Variants in RANBP9 observed in about 807,000 individuals in gnomAD.
The protein encoded by RANBP9 is RAN binding protein 9, also known as ran-binding protein 9.
Under a neutral mutation model 84.3 loss-of-function variants are expected in RANBP9, and 15 were observed. That is an observed-to-expected ratio of 0.18 (90% CI 0.12 to 0.27). RANBP9 has a LOEUF of 0.27. Ranked by LOEUF, RANBP9 falls within the 10% of genes least tolerant of loss-of-function variation. The pLI is 1.00. For synonymous variants in RANBP9, 392 were observed against 349.6 expected, an observed-to-expected ratio of 1.12 and a Z score of -1.35; for missense variants, 809 against 912.8, an observed-to-expected ratio of 0.89 and a Z score of 1.46.
chr6:13,677,851 C>T (rs923621315), intron 2 of RANBP9, among the ~76,000 whole-genome samples: 2 of 152,158 alleles, frequency 1.3e-5, no homozygotes, highest in African/African-American at 4.8e-5. Flanking sequence ...GGTGTGGTGG[C>T]TCAAGCCTAT....
chr6:13,623,612 T>A (rs190433709), intron 13 of RANBP9, among the ~76,000 whole-genome samples: 71 of 152,342 alleles, frequency 4.7e-4, no homozygotes, highest in African/African-American at 1.5e-3. Context: ...AATATTTTTT[T>A]AATTTTATTT....
intron 2 of RANBP9, among the ~76,000 whole-genome samples, chr6:13,671,645 G>A (rs1765780915): frequency 6.6e-6 from 1 of 152,100 alleles, no homozygotes; most frequent in Non-Finnish European, 1.5e-5. Flanking sequence ...GGAGGAGTGA[G>A]TGTTTTGGGG....
At position 13,698,353 on chromosome 6, in the gene RANBP9, A is replaced by G. The variant is rs1307421421; in HGVS notation, c.572-1457T>C. On this transcript the variant is annotated intron_variant, in intron 1 of 13. Transcript: ENST00000011619. ...GCAGGTAATAGATTTACACTGAGCT[A>G]AGCAGCAGAAAAGAAACAATTGCAC... Among the ~76,000 whole-genome samples, 4 of 152,256 alleles carry G rather than the reference A, an allele frequency of 2.6e-5. No homozygotes were observed. The East Asian group carries it at 7.7e-4, about 29-fold the overall frequency.
At chr6:13,652,035 T>C (rs927711635) in intron 5 of RANBP9, among the ~76,000 whole-genome samples, 3 of 152,140 alleles carry the variant, frequency 2.0e-5, no homozygotes, top group African/African-American at 7.2e-5. Context: ...CTTGGCAGAC[T>C]CCCTCACTCC....
chr6:13,697,036 G>A (rs1009906113), intron 1 of RANBP9, 140 bp from the exon 2 acceptor site: 4 of 569,776 alleles, frequency 7.0e-6, no homozygotes, highest in African/African-American at 5.7e-5. Context: ...TCAATAAAAC[G>A]TTTATCATCA....
At chr6:13,626,376 A>G (rs544119792) in intron 12 of RANBP9, among the ~76,000 whole-genome samples, 13 of 152,232 alleles carry the variant, frequency 8.5e-5, no homozygotes, top group Non-Finnish European at 1.9e-4. Context: ...TGGGAGGCAC[A>G]TACTAATGGT....
intron 12 of RANBP9, among the ~76,000 whole-genome samples, chr6:13,630,327 A>C (rs1764742280): frequency 6.6e-6 from 1 of 152,198 alleles, no homozygotes; most frequent in Admixed American, 6.5e-5. Context: ...TATATAACCA[A>C]GGAATATCTT....
At chr6:13,675,185 G>T (rs934171882) in intron 2 of RANBP9, among the ~76,000 whole-genome samples, 1 of 152,048 alleles carries the variant, frequency 6.6e-6, no homozygotes, top group African/African-American at 2.4e-5. Context: ...GACATTTATA[G>T]TATACTTTAT....
chr6:13,671,114 A>C (rs548527324), intron 2 of RANBP9, among the ~76,000 whole-genome samples: 2 of 152,328 alleles, frequency 1.3e-5, no homozygotes, highest in South Asian at 4.1e-4. Context: ...AAAAGACACT[A>C]TGAGCTCTCA....
chr6:13,692,312 G>T (rs1428551626), intron 2 of RANBP9, among the ~76,000 whole-genome samples: 1 of 151,732 alleles, frequency 6.6e-6, no homozygotes, highest in Non-Finnish European at 1.5e-5. Context: ...GAGGCGGGTG[G>T]ATCACCTGAG....
intron 12 of RANBP9, among the ~76,000 whole-genome samples, chr6:13,627,587 GCCA>G (rs1764645400): frequency 7.6e-6 from 1 of 131,986 alleles, no homozygotes; most frequent in East Asian, 2.3e-4. Context: ...CCAAGATCAC[GCCA>G]CTGCACTCCA....
intron 2 of RANBP9, among the ~76,000 whole-genome samples, chr6:13,660,811 T>C (rs986887220): frequency 6.6e-6 from 1 of 152,228 alleles, no homozygotes; most frequent in African/African-American, 2.4e-5. Context: ...AGATGTCTAG[T>C]CAAGAAGGCT....
At chr6:13,688,151 C>G (rs1052237551) in intron 2 of RANBP9, among the ~76,000 whole-genome samples, 20 of 152,184 alleles carry the variant, frequency 1.3e-4, no homozygotes, top group African/African-American at 4.8e-4. Context: ...TTCCTTTTCA[C>G]AGACTGAGAG....
chr6:13,690,839 G>A lies in RANBP9; in HGVS notation c.683+5946C>T, dbSNP rs563329460. 3.9e-5 allele frequency among the ~76,000 whole-genome samples: 6 copies of A among 152,226 alleles called. 1 individual carries two copies. The South Asian group carries it at 1.2e-3, about 32-fold the overall frequency. Reference sequence around the variant, plus strand: ...CAATGATCACTAAAAAGAAGGGAAAGTAAACACACACCCGTTAAATATATG... The same window carrying A: ...CAATGATCACTAAAAAGAAGGGAAAATAAACACACACCCGTTAAATATATG... On this transcript the variant is annotated intron_variant, in intron 2 of 13. Coordinates refer to ENST00000011619, the MANE Select transcript of RANBP9 (RefSeq NM_005493.3).
rs79802985 is a variant in RANBP9, at chr6:13,669,973, T to A, written c.684-11141A>T. Among the ~76,000 whole-genome samples, 550 of 151,642 alleles carry A rather than the reference T, an allele frequency of 3.6e-3. 3 individuals are homozygous for A. Among genetic ancestry groups the A allele is most frequent in the African/African-American group, 0.013 (526 of 41,326 alleles). On this transcript the variant is annotated intron_variant, in intron 2 of 13. Coordinates refer to ENST00000011619, the MANE Select transcript of RANBP9 (RefSeq NM_005493.3). ...TTTTTTTTTTTTCAACAAATGGTAC[T>A]GGGAAAACATACAAATGCAAATGAA...
intron 2 of RANBP9, 71 bp downstream of exon 2, chr6:13,696,714 A>G (rs777642051): frequency 2.3e-6 from 3 of 1,286,446 alleles, no homozygotes; most frequent in African/African-American, 1.5e-5. Context: ...CAACTTTCCA[A>G]TTACATCATA....
Position 13,663,023 on chromosome 6 carries a change from A to G in RANBP9, c.684-4191T>C, listed in dbSNP as rs147982065. The stretch of plus-strand genomic sequence containing the variant: ...GAATAGGACAGAAAAGAAATTGAAA[A>G]TAATTCCCCAAATTTGGTAAAAGAC... On this transcript the variant is annotated intron_variant, in intron 2 of 13. Transcript: ENST00000011619. Among the ~76,000 whole-genome samples the G allele has an allele frequency of 7.9e-3, 1,201 of 152,286 alleles. 13 individuals carry two copies. The highest frequency in any genetic ancestry group is 0.027 in the African/African-American group (1,121 of 41,572).
rs530368007 is a variant in RANBP9 at position 13,683,468 on chromosome 6, A to G, written c.683+13317T>C. 3.9e-5 allele frequency among the ~76,000 whole-genome samples: 6 copies of G among 152,292 alleles called. No homozygotes were observed. In the South Asian group the frequency reaches 1.2e-3, roughly 32 times the overall value. On this transcript the variant is annotated intron_variant, in intron 2 of 13. Coordinates refer to ENST00000011619, the MANE Select transcript of RANBP9 (RefSeq NM_005493.3). ...AAATTTTCTTCCTGAATTTTCAATT[A>G]AATTTATATTAAAGTGAAAGTATAA...
At chr6:13,679,940 CTTAT>C (rs1469086123) in intron 2 of RANBP9, among the ~76,000 whole-genome samples, 2 of 151,904 alleles carry the variant, frequency 1.3e-5, no homozygotes, top group African/African-American at 4.8e-5. Context: ...AAATAGTGTT[CTTAT>C]TTACTTAAGA....
Sources: allele counts gnomAD v4.1 joint callset (sites outside exome capture counted in the v4.1 genomes callset), GRCh38; gene constraint gnomAD v4.1.1; transcripts MANE v1.5; gene names NCBI Gene and HGNC (gene_info 2026-07-23, HGNC 2026-07-21).